Variants in ZGPAT observed in about 807,000 individuals in gnomAD.
ZGPAT encodes the protein zinc finger CCCH-type and G-patch domain containing.
In ZGPAT, 39 loss-of-function variants were observed where a neutral mutation model predicts 47.9. The ratio of observed to expected loss-of-function variants is 0.81; its 90% confidence interval spans 0.63 to 1.06. The LOEUF is 1.06. Ranked by LOEUF, ZGPAT falls within the 50% of genes least tolerant of loss-of-function variation. The probability of loss-of-function intolerance (pLI) is 0.00; values close to 1 mark genes in which losing one functional copy is unlikely to be tolerated. For synonymous variants in ZGPAT, 348 were observed against 292.9 expected (o/e 1.19, Z -1.92); for missense variants, 717 against 681.4 (o/e 1.05, Z -0.58).
chr20:63,715,720 A>AT (rs1448070377), intron 2 of ZGPAT, among the ~76,000 whole-genome samples: 1 of 152,142 alleles, frequency 6.6e-6, no homozygotes, highest in Non-Finnish European at 1.5e-5. Flanking sequence ...GCCTCATAGA[A>AT]TGAGTTAGGA....
intron 2 of ZGPAT, among the ~76,000 whole-genome samples, chr20:63,732,158 C>T (rs879756461): frequency 6.6e-5 from 10 of 150,858 alleles, no homozygotes; most frequent in South Asian, 2.1e-4. Context: ...CATGTGTGTG[C>T]GCGTGTGGGT....
chr20:63,709,156 G>A lies in ZGPAT; in HGVS notation c.576G>A (p.Glu192=). The A allele has an allele frequency of 6.2e-7, 1 of 1,610,064 alleles. No homozygotes were observed. Among genetic ancestry groups the A allele is most frequent in the Non-Finnish European group, 8.5e-7 (1 of 1,180,012 alleles). Reference sequence around the variant, plus strand: ...TGGAGGGAAAGTGCCGCTTTAAGGAGAACTGCAGGTAAAGCCCTTTGTTGT... The same window carrying A: ...TGGAGGGAAAGTGCCGCTTTAAGGAAAACTGCAGGTAAAGCCCTTTGTTGT... ...FFLEGKCRFK[E]NCRFSHGQVV... Residue 192 remains glutamate (E), a synonymous_variant, in exon 2 of 7, where the codon GAG becomes GAA. Transcript: ENST00000355969.
chr20:63,713,465 A>G (rs1158580875), intron 2 of ZGPAT, among the ~76,000 whole-genome samples: 1 of 151,744 alleles, frequency 6.6e-6, no homozygotes, highest in African/African-American at 2.4e-5. Flanking sequence ...TCTTGACCTC[A>G]GGTGATCTGC....
Position 63,735,319 on chromosome 20 carries a change from G to A in ZGPAT, c.1152G>A (p.Arg384=). 6.3e-7 allele frequency: 1 copy of A among 1,583,004 alleles called. No individual in the cohort carries two copies. The highest frequency in any genetic ancestry group is 8.6e-7 in the Non-Finnish European group (1 of 1,166,430). The change falls in exon 6 of 7, where the codon AGG becomes AGA. Residue 384 remains arginine, a synonymous_variant. Transcript: ENST00000355969. ...CCAGGTGCCGGGGAAGAGGGGCCAG[G>A]CCTGGGGGCCGCCCAGCTCCTCGGA... ...KPPRCRGRGA[R]PGGRPAPRNV...
At chr20:63,713,558 A>G (rs920573602) in intron 2 of ZGPAT, among the ~76,000 whole-genome samples, 1 of 149,854 alleles carries the variant, frequency 6.7e-6, no homozygotes, top group Non-Finnish European at 1.5e-5. Flanking sequence ...TTACATTTTC[A>G]GGCTGTTTGT....
At chr20:63,732,260 TGA>T (rs1445400159) in intron 2 of ZGPAT, among the ~76,000 whole-genome samples, 11 of 148,388 alleles carry the variant, frequency 7.4e-5, no homozygotes, top group African/African-American at 1.8e-4. Flanking sequence ...TGTGTGTGGA[TGA>T]GAGGTCGCAT....
chr20:63,713,891 T>C (rs920647195), intron 2 of ZGPAT, among the ~76,000 whole-genome samples: 4 of 150,422 alleles, frequency 2.7e-5, no homozygotes, highest in African/African-American at 9.8e-5. Context: ...AAAAAAGAAA[T>C]ACAGTGGATT....
chr20:63,732,615 CTGTG>C (rs58997206), intron 2 of ZGPAT, among the ~76,000 whole-genome samples: 143 of 151,950 alleles, frequency 9.4e-4, no homozygotes, highest in South Asian at 8.1e-3. Flanking sequence ...GTCAGGGTCT[CTGTG>C]TATGTGTATG....
At position 63,734,725 on chromosome 20, in the gene ZGPAT, G is replaced by A. The variant is rs897333909; in HGVS notation, c.892G>A (p.Asp298Asn). The A allele has an allele frequency of 6.8e-6, 11 of 1,613,964 alleles. No homozygotes were observed. The highest frequency in any genetic ancestry group is 9.3e-6 in the Non-Finnish European group (11 of 1,179,966). Residue 298 changes from aspartate (D) to asparagine (N), a missense_variant, in exon 5 of 7, where the codon GAC becomes AAC. By Grantham distance (23) the Asp-to-Asn change is conservative (BLOSUM62 1). Transcript: ENST00000355969. ...YARVVGSDAV[D>N]SGTCSSAFAG... is the part of the protein sequence containing the mutation. ...TGCAGTGGTGGGGTCAGATGCTGTGGACTCTGGGACCTGCAGCTCTGCCTT... is the reference window on the plus strand; with the variant it reads ...TGCAGTGGTGGGGTCAGATGCTGTGAACTCTGGGACCTGCAGCTCTGCCTT...
chr20:63,712,529 AGAC>A (rs1404020229), intron 2 of ZGPAT, among the ~76,000 whole-genome samples: 1 of 152,214 alleles, frequency 6.6e-6, no homozygotes. Context: ...TCTGCATAAA[AGAC>A]AGTTTGAATT....
intron 2 of ZGPAT, among the ~76,000 whole-genome samples, chr20:63,722,425 G>T (rs373515328): frequency 6.6e-6 from 1 of 151,296 alleles, no homozygotes; most frequent in East Asian, 1.9e-4. Flanking sequence ...AAAGTTTATT[G>T]TGACAGTTTT....
At position 63,726,614 on chromosome 20, in the gene ZGPAT, C is replaced by T. The variant is rs547362092; in HGVS notation, c.585-6605C>T. 2.0e-5 allele frequency among the ~76,000 whole-genome samples: 3 copies of T among 152,006 alleles called. No individual in the cohort carries two copies. The South Asian group carries it at 6.2e-4, about 32-fold the overall frequency. ...CTCGGCTCACTGCAACCTCCGCCTC[C>T]CAGGCTCAAGCGATTCTTATGCCTC... On this transcript the variant is annotated intron_variant, in intron 2 of 6. Coordinates refer to ENST00000355969, the MANE Select transcript of ZGPAT (RefSeq NM_181485.3).
intron 2 of ZGPAT, among the ~76,000 whole-genome samples, chr20:63,714,695 G>A (rs1335868907): frequency 6.6e-6 from 1 of 151,684 alleles, no homozygotes; most frequent in African/African-American, 2.4e-5. Flanking sequence ...CAGGCTGGAG[G>A]GCAGTGGCAT....
At chr20:63,726,919 A>T (rs2091851200) in intron 2 of ZGPAT, among the ~76,000 whole-genome samples, 1 of 152,148 alleles carries the variant, frequency 6.6e-6, no homozygotes, top group African/African-American at 2.4e-5. Context: ...CCACACATGC[A>T]ACAGCCCCTC....
At chr20:63,735,719 C>T (rs796446334) in intron 6 of ZGPAT, 62 bp from the exon 7 acceptor site, 15 of 1,551,702 alleles carry the variant, frequency 9.7e-6, no homozygotes, top group East Asian at 4.8e-5. Context: ...GCAGTGGGTA[C>T]GGCAGACTGG....
chr20:63,723,589 A>G (rs931495949), intron 2 of ZGPAT, among the ~76,000 whole-genome samples: 16 of 140,196 alleles, frequency 1.1e-4, no homozygotes, highest in African/African-American at 4.1e-4. Context: ...CTCCTCTGAC[A>G]TAGCTCCATC....
chr20:63,735,644 C>G, intron 6 of ZGPAT, 80 bp downstream of exon 6: 1 of 1,495,878 alleles, frequency 6.7e-7, no homozygotes, highest in South Asian at 1.3e-5. Context: ...GGTCACCTGA[C>G]CCAAGCATAG....
intron 2 of ZGPAT, among the ~76,000 whole-genome samples, chr20:63,718,426 G>A (rs921979065): frequency 2.0e-5 from 3 of 151,666 alleles, no homozygotes; most frequent in African/African-American, 7.3e-5. Flanking sequence ...TCTGCCTCCC[G>A]GGTTCAAGTG....
At chr20:63,732,138 C>A (rs556931666) in intron 2 of ZGPAT, among the ~76,000 whole-genome samples, 2 of 151,720 alleles carry the variant, frequency 1.3e-5, no homozygotes, top group African/African-American at 4.8e-5. Context: ...ACAGTCTACA[C>A]GTGAGGGTGC....
Sources: gnomAD v4.1 joint callset for allele counts (sites outside exome capture counted in the v4.1 genomes callset) on GRCh38, gnomAD v4.1.1 for gene constraint, MANE v1.5 for transcripts, NCBI Gene and HGNC (gene_info 2026-07-23, HGNC 2026-07-21) for gene names.